The following OLFML2A variants were observed in gnomAD, a reference collection of about 807,000 sequenced individuals.
OLFML2A encodes olfactomedin like 2A, also known as olfactomedin-like protein 2A.
Under a neutral mutation model 60.9 loss-of-function variants are expected in OLFML2A, and 47 were observed. The observed-to-expected ratio is 0.77, with a 90% confidence interval of 0.61 to 0.98. The LOEUF is 0.98. OLFML2A is among the 50% of genes least tolerant of loss of function. The pLI is 0.00. For missense variants in OLFML2A, 922 were observed against 879.8 expected, an observed-to-expected ratio of 1.05 and a Z score of -0.61; for synonymous variants, 372 against 375.0, an observed-to-expected ratio of 0.99 and a Z score of 0.09.
chr9:124,802,755 G>A (rs868588395), intron 5 of OLFML2A, among the ~76,000 whole-genome samples: 1 of 152,240 alleles, frequency 6.6e-6, no homozygotes, highest in Admixed American at 6.5e-5. Flanking sequence ...AGCAGGGCCT[G>A]TGCAAAGAGG....
In OLFML2A at chr9:124,804,146, G is replaced by A. The variant is rs1197111124; in HGVS notation, c.972G>A (p.Glu324=). ...TGGAGCAACTGCCGCCCAAGGTGGA[G>A]GGCAGGTCCAACTCCGCAGAGCCCA... is the stretch of plus-strand genomic sequence containing the variant. ...SWLEQLPPKV[E]GRSNSAEPNS... Residue 324 remains glutamate (E), a synonymous_variant, in exon 6 of 8, where the codon GAG becomes GAA. Transcript: ENST00000373580. 1.2e-6 allele frequency: 2 copies of A among 1,614,122 alleles called. No individual in the cohort carries two copies. The highest frequency in any genetic ancestry group is 1.7e-6 in the Non-Finnish European group (2 of 1,179,986).
chr9:124,780,541 G>A (rs535624868), intron 1 of OLFML2A, among the ~76,000 whole-genome samples: 9 of 152,334 alleles, frequency 5.9e-5, no homozygotes, highest in South Asian at 2.1e-4. Context: ...CTTCGCCTCC[G>A]CTCCGGGAGT....
In OLFML2A at chr9:124,807,868, T is replaced by C; in HGVS notation, c.1256T>C (p.Met419Thr). 6.2e-7 allele frequency: 1 copy of C among 1,614,098 alleles called. No homozygotes were observed. The highest frequency in any genetic ancestry group is 8.5e-7 in the Non-Finnish European group (1 of 1,179,978). The part of the protein sequence containing the change: ...HSYGRHEGAW[M>T]KDPAARDDRI... ...TATGGGCGCCACGAGGGAGCCTGGA[T>C]GAAGGACCCTGCAGCTCGAGACGAC... Residue 419 changes from methionine to threonine, a missense_variant, in exon 7 of 8, where the codon ATG becomes ACG. Met to Thr is a moderately conservative substitution (Grantham distance 81). Coordinates refer to ENST00000373580, the MANE Select transcript of OLFML2A (RefSeq NM_182487.4).
chr9:124,777,381 C>T lies in OLFML2A; in HGVS notation c.90+21C>T. 3 of 1,238,514 alleles carry T rather than the reference C, an allele frequency of 2.4e-6. No homozygotes were observed. Among genetic ancestry groups the T allele is most frequent in the South Asian group, 3.3e-5 (1 of 29,910 alleles). 76.7% of individuals were successfully genotyped at this position (1,238,514 alleles called of 1,614,324 possible). ...GTAAGGTACGCACGCCCCTCGGACC[C>T]GCGCGGCTCGGCGGGTAGCGGGGCG... On this transcript the variant is annotated intron_variant, in intron 1 of 7. Transcript: ENST00000373580. The surrounding 1 kb of genome is among the most constrained non-coding windows in gnomAD (Gnocchi z 6.2).
rs193132103 is a variant in OLFML2A, at chr9:124,790,772, C to T, written c.354+3534C>T. ...GACAGGGTTGGGGCTTCCTCCTGTT[C>T]AGTTTGGCTCCCCCTCTCTCAGCAG... is the stretch of plus-strand genomic sequence containing the variant. On this transcript the variant is annotated intron_variant, in intron 2 of 7. Coordinates refer to ENST00000373580, the MANE Select transcript of OLFML2A (RefSeq NM_182487.4). 1.8e-3 allele frequency among the ~76,000 whole-genome samples: 275 copies of T among 152,094 alleles called. 2 individuals are homozygous for T. The highest frequency in any genetic ancestry group is 5.6e-3 in the Admixed American group (86 of 15,282).
At chr9:124,783,582 G>A (rs1293422912) in intron 1 of OLFML2A, among the ~76,000 whole-genome samples, 1 of 152,168 alleles carries the variant, frequency 6.6e-6, no homozygotes. Flanking sequence ...CTCATGATGT[G>A]AAAGCCCATG....
intron 3 of OLFML2A, among the ~76,000 whole-genome samples, chr9:124,796,473 A>T (rs1841672996): frequency 6.6e-6 from 1 of 152,220 alleles, no homozygotes; most frequent in African/African-American, 2.4e-5. Context: ...CCAACCAGAG[A>T]TGGTTTCCAC....
At chr9:124,798,025 C>T (rs1024718019) in intron 3 of OLFML2A, among the ~76,000 whole-genome samples, 3 of 152,070 alleles carry the variant, frequency 2.0e-5, no homozygotes, top group East Asian at 1.9e-4. Flanking sequence ...GGAGAGGAGC[C>T]GGCACGGCCC....
intron 1 of OLFML2A, among the ~76,000 whole-genome samples, chr9:124,780,973 C>T (rs1455010094): frequency 3.9e-5 from 6 of 152,182 alleles, no homozygotes; most frequent in Admixed American, 3.3e-4. Flanking sequence ...TCTGAACCAT[C>T]GGGTTAGAGC....
In OLFML2A at chr9:124,810,074, G is replaced by A. The variant is rs1016629197; in HGVS notation, c.1621G>A (p.Asp541Asn). 2.5e-6 allele frequency: 4 copies of A among 1,613,736 alleles called. No individual in the cohort carries two copies. The highest frequency in any genetic ancestry group is 2.7e-5 in the African/African-American group (2 of 74,924). ...WVIYPAVDDR[D>N]EAQPEVIVLS... is the part of the protein sequence containing the mutation. ...CATCTACCCCGCCGTGGACGACCGCGATGAGGCCCAGCCCGAGGTGATCGT... is the reference window on the plus strand; with the variant it reads ...CATCTACCCCGCCGTGGACGACCGCAATGAGGCCCAGCCCGAGGTGATCGT... The change falls in exon 8 of 8, where the codon GAT becomes AAT. Residue 541 changes from aspartate to asparagine, a missense_variant. Physicochemically the swap from Asp to Asn is conservative, Grantham distance 23. Coordinates refer to ENST00000373580, the MANE Select transcript of OLFML2A (RefSeq NM_182487.4).
intron 7 of OLFML2A, 109 bp from the exon 8 acceptor site, chr9:124,809,699 T>G (rs1841964111): frequency 3.1e-6 from 4 of 1,290,022 alleles, no homozygotes; most frequent in Non-Finnish European, 4.3e-6. Flanking sequence ...CTGCACATGC[T>G]TGGTATCAGT....
chr9:124,798,576 G>A (rs1389790966), intron 3 of OLFML2A, among the ~76,000 whole-genome samples: 1 of 151,820 alleles, frequency 6.6e-6, no homozygotes, highest in Non-Finnish European at 1.5e-5. Context: ...GCTCACACCT[G>A]TAATCCCAGC....
chr9:124,808,308 C>G (rs916852567), intron 7 of OLFML2A, among the ~76,000 whole-genome samples: 1 of 152,216 alleles, frequency 6.6e-6, no homozygotes, highest in Non-Finnish European at 1.5e-5. Context: ...TCTCGCCCCC[C>G]GTGTATCAGC....
intron 1 of OLFML2A, among the ~76,000 whole-genome samples, chr9:124,786,706 G>A (rs1347089488): frequency 6.7e-6 from 1 of 149,432 alleles, no homozygotes; most frequent in African/African-American, 2.5e-5. Flanking sequence ...GGGCGACAGA[G>A]CAAGACTCCG....
chr9:124,805,481 G>A (rs1180844701), intron 6 of OLFML2A, among the ~76,000 whole-genome samples: 1 of 152,082 alleles, frequency 6.6e-6, no homozygotes, highest in Non-Finnish European at 1.5e-5. Context: ...GAGAGAAATT[G>A]CTCAACGGAG....
chr9:124,799,540 G>A, intron 4 of OLFML2A, 49 bp downstream of exon 4: 2 of 1,458,102 alleles, frequency 1.4e-6, no homozygotes, highest in Non-Finnish European at 1.9e-6. Context: ...GAACTTGGGA[G>A]CTCAGTGTGC....
rs189845139 is a variant in OLFML2A at position 124,802,166 on chromosome 9, T to C, written c.919+503T>C. 4.5e-3 allele frequency among the ~76,000 whole-genome samples: 680 copies of C among 152,298 alleles called. 7 individuals are homozygous for C. Among genetic ancestry groups the C allele is most frequent in the African/African-American group, 0.015 (617 of 41,570 alleles). Reference sequence around the variant, plus strand: ...TCCCCAAGGAAGAGCCCACAGACTCTTGTATTTTTCCTGCAGCTCTCTGCT... The same window carrying C: ...TCCCCAAGGAAGAGCCCACAGACTCCTGTATTTTTCCTGCAGCTCTCTGCT... On this transcript the variant is annotated intron_variant, in intron 5 of 7. Coordinates refer to ENST00000373580, the MANE Select transcript of OLFML2A (RefSeq NM_182487.4).
intron 5 of OLFML2A, among the ~76,000 whole-genome samples, chr9:124,802,359 C>T (rs1003713007): frequency 6.6e-6 from 1 of 152,236 alleles, no homozygotes; most frequent in Non-Finnish European, 1.5e-5. Flanking sequence ...CCCAAACCTG[C>T]TCCTCCCCTT....
chr9:124,786,805 T>C (rs1458283003), intron 1 of OLFML2A, among the ~76,000 whole-genome samples, 170 bp from the exon 2 acceptor site: 1 of 148,976 alleles, frequency 6.7e-6, no homozygotes, highest in Non-Finnish European at 1.5e-5. Context: ...CACAGAGTTG[T>C]TATTATTATT....
Sources: allele counts gnomAD v4.1 joint callset (sites outside exome capture counted in the v4.1 genomes callset), GRCh38; gene constraint gnomAD v4.1.1; non-coding constraint Gnocchi (gnomAD v3.1); transcripts MANE v1.5; gene names NCBI Gene and HGNC (gene_info 2026-07-23, HGNC 2026-07-21).